PPP4C: variants seen among roughly 807,000 people sequenced by gnomAD.
PPP4C encodes the protein serine/threonine-protein phosphatase 4 catalytic subunit.
In PPP4C, 10 loss-of-function variants were observed where a neutral mutation model predicts 40.5. The ratio of observed to expected loss-of-function variants is 0.25; its 90% confidence interval spans 0.15 to 0.42. The LOEUF (loss-of-function observed/expected upper bound fraction) is 0.42. Among genes scored for constraint, PPP4C ranks in the 10% least tolerant of loss-of-function variants. The probability of loss-of-function intolerance (pLI) is 1.00; values close to 1 mark genes in which losing one functional copy is unlikely to be tolerated. For synonymous variants in PPP4C, 187 were observed against 163.6 expected (o/e 1.14, Z -1.09); for missense variants, 191 against 416.4 (o/e 0.46, Z 4.71).
chr16:30,084,391 C>T (rs1183639197), intron 7 of PPP4C, among the ~76,000 whole-genome samples: 3 of 152,232 alleles, frequency 2.0e-5, no homozygotes, highest in Non-Finnish European at 4.4e-5. Flanking sequence ...GTGCCCCTTT[C>T]ACTCTTATGT....
rs760535120 is a variant in PPP4C at position 30,083,553 on chromosome 16, A to G, written c.463A>G (p.Ile155Val). The change falls in exon 6 of 9, where the codon ATC becomes GTC. Residue 155 changes from isoleucine (I) to valine (V), a missense_variant. Physicochemically the swap from Ile to Val is conservative, Grantham distance 29 (BLOSUM62 3). Around this residue, in one of 3 missense-constraint regions of PPP4C, gnomAD observed 171 missense variants for 352.4 expected, o/e 0.49. Coordinates refer to ENST00000279387, the MANE Select transcript of PPP4C (RefSeq NM_002720.3). This position sits in a 1 kb window ranked among gnomAD's most constrained non-coding sequence, Gnocchi z 6.3. ...EIFDYLSLSA[I>V]IDGKIFCVHG... ...CTTTGACTACCTCAGCCTGTCAGCCATCATCGATGGCAAGGTAAGCCAGCC... is the reference window on the plus strand; with the variant it reads ...CTTTGACTACCTCAGCCTGTCAGCCGTCATCGATGGCAAGGTAAGCCAGCC... 4.3e-6 allele frequency: 7 copies of G among 1,613,940 alleles called. No homozygotes were observed. Among genetic ancestry groups the G allele is most frequent in the Admixed American group, 1.7e-5 (1 of 60,000 alleles).
At chr16:30,082,974 G>A (rs2151027952) in intron 5 of PPP4C, 127 bp downstream of exon 5, 3 of 826,300 alleles carry the variant, frequency 3.6e-6, no homozygotes, top group East Asian at 2.6e-5. Flanking sequence ...GTGATGGACC[G>A]ATTCTGCTTT....
At chr16:30,082,677 C>T (rs764695298) in intron 4 of PPP4C, 69 bp from the exon 5 acceptor site, 149 of 1,543,120 alleles carry the variant, frequency 9.7e-5, no homozygotes, top group Non-Finnish European at 1.2e-4. Context: ...GAAGGGCCTC[C>T]GCTGGACAGA....
rs183645842 is a variant in PPP4C, at chr16:30,082,981, C to T, written c.303+134C>T. Reference sequence around the variant, plus strand: ...TGTCACTGGTGATGGACCGATTCTGCTTTTGGGGGTGGTCAGAGACTTGAT... The same window carrying T: ...TGTCACTGGTGATGGACCGATTCTGTTTTTGGGGGTGGTCAGAGACTTGAT... On this transcript the variant is annotated intron_variant, in intron 5 of 8. Transcript: ENST00000279387. 2.2e-5 allele frequency: 17 copies of T among 776,340 alleles called. No individual in the cohort carries two copies. In the African/African-American group the frequency reaches 3.0e-4, roughly 14 times the overall value. 48.1% of individuals were successfully genotyped at this position (776,340 alleles called of 1,614,324 possible).
At chr16:30,082,880 G>A in intron 5 of PPP4C, 33 bp downstream of exon 5, 1 of 1,572,220 alleles carries the variant, frequency 6.4e-7, no homozygotes, top group African/African-American at 1.4e-5. Context: ...CCCCCAACCT[G>A]GGCGACCTCG....
At position 30,084,724 on chromosome 16, in the gene PPP4C, G is replaced by T. The variant is rs750895364; in HGVS notation, c.663G>T (p.Val221=). ...CCGGCTACCTATTTGGCAGTGACGT[G>T]GTGGCCCAGTTCAACGCAGCCAATG... ...RGAGYLFGSD[V]VAQFNAANDI... The change falls in exon 8 of 9, where the codon GTG becomes GTT. Residue 221 remains valine (V), a synonymous_variant. Transcript: ENST00000279387. 3.7e-6 allele frequency: 6 copies of T among 1,614,260 alleles called. No individual in the cohort carries two copies. The highest frequency in any genetic ancestry group is 5.1e-6 in the Non-Finnish European group (6 of 1,180,054).
chr16:30,076,940 C>T (rs747599321), intron 2 of PPP4C, among the ~76,000 whole-genome samples: 15 of 152,206 alleles, frequency 9.9e-5, no homozygotes, highest in Non-Finnish European at 1.8e-4. Context: ...TGGGAACTTT[C>T]ATGTTCAAAG....
chr16:30,079,640 C>T (rs1285260444), intron 2 of PPP4C, among the ~76,000 whole-genome samples: 2 of 152,156 alleles, frequency 1.3e-5, no homozygotes, highest in Admixed American at 6.6e-5. Context: ...CTTGGACCAC[C>T]GCCAGTGCTG....
rs1290320421 is a variant in PPP4C, at chr16:30,076,468, A to G, written c.91A>G (p.Lys31Glu). 6.2e-7 allele frequency: 1 copy of G among 1,610,982 alleles called. No homozygotes were observed. The change falls in exon 2 of 9, where the codon AAG becomes GAG. Residue 31 changes from lysine (K) to glutamate (E), a missense_variant. Physicochemically the swap from Lys to Glu is moderately conservative, Grantham distance 56 (BLOSUM62 1). Transcript: ENST00000279387. ...KESEVKALCA[K>E]AREILVEESN... The stretch of plus-strand genomic sequence containing the variant: ...GAGCGAAGTCAAGGCCCTGTGCGCT[A>G]AGGCCAGGTGAGCTCGTTGGCCCTG...
rs779840999 is a variant in PPP4C at position 30,083,717 on chromosome 16, C to T, written c.540C>T (p.Ile180=). The change falls in exon 7 of 9, where the codon ATC becomes ATT. Residue 180 remains isoleucine, a synonymous_variant. Transcript: ENST00000279387. This position sits in a 1 kb window ranked among gnomAD's most constrained non-coding sequence, Gnocchi z 6.3. The part of the protein sequence containing the change: ...SIQTLDQIRT[I]DRKQEVPHDG... ...AGACCCTGGATCAGATTCGGACAATCGACCGAAAGCAAGAGGTGCCTCATG... is the reference window on the plus strand; with the variant it reads ...AGACCCTGGATCAGATTCGGACAATTGACCGAAAGCAAGAGGTGCCTCATG... 9 of 1,614,022 alleles carry T rather than the reference C, an allele frequency of 5.6e-6. No homozygotes were observed. The East Asian group carries it at 6.7e-5, about 12-fold the overall frequency.
chr16:30,077,916 C>G (rs2072432649), intron 2 of PPP4C, among the ~76,000 whole-genome samples: 1 of 152,202 alleles, frequency 6.6e-6, no homozygotes, highest in African/African-American at 2.4e-5. Flanking sequence ...TGCAGCCAGA[C>G]AGGGCCTGTG....
chr16:30,076,224 G>T (rs2072388878), intron 1 of PPP4C, 91 bp from the exon 2 acceptor site: 3 of 733,872 alleles, frequency 4.1e-6, no homozygotes, highest in South Asian at 3.6e-5. Flanking sequence ...GGGAGGCGGG[G>T]GTGGGGGAGC....
chr16:30,081,407 CT>C, intron 3 of PPP4C, 97 bp downstream of exon 3: 1 of 994,942 alleles, frequency 1.0e-6, no homozygotes, highest in Non-Finnish European at 1.6e-6. Context: ...ACCCTAAGCT[CT>C]TTTATCTGTC....
rs150159961 is a variant in PPP4C, at chr16:30,085,361, AAAG to A, written c.*305_*307del. 4.0e-3 allele frequency: 1,088 copies of A among 274,834 alleles called. 13 individuals carry two copies. Among genetic ancestry groups the A allele is most frequent in the African/African-American group, 0.022 (976 of 45,230 alleles). The allele number at this position is 274,834 out of a possible 1,614,324, so 17.0% of individuals were successfully genotyped here. ...GAAAAAAAATGAAAAAATTCTAATA[AAAG>A]AAGAAAAATGGTTTTTGGGTTTGTG... On this transcript the variant is annotated 3_prime_UTR_variant, in exon 9 of 9. Coordinates refer to ENST00000279387, the MANE Select transcript of PPP4C (RefSeq NM_002720.3).
At chr16:30,082,928 T>A in intron 5 of PPP4C, 81 bp downstream of exon 5, 1 of 1,204,374 alleles carries the variant, frequency 8.3e-7, no homozygotes, top group Non-Finnish European at 1.2e-6. Context: ...CCTCATCTCC[T>A]ATCGTGACCA....
chr16:30,076,277 C>A, intron 1 of PPP4C, 38 bp from the exon 2 acceptor site: 2 of 1,216,730 alleles, frequency 1.6e-6, no homozygotes, highest in Non-Finnish European at 2.3e-6. Flanking sequence ...GAGCCCCGGA[C>A]GGACACTGAT....
At chr16:30,082,707 A>T in intron 4 of PPP4C, 39 bp from the exon 5 acceptor site, 1 of 1,576,170 alleles carries the variant, frequency 6.3e-7, no homozygotes, top group Non-Finnish European at 8.7e-7. Flanking sequence ...GGGGTAGGGG[A>T]CTGTTTACGA....
At chr16:30,081,202 C>G in intron 2 of PPP4C, 57 bp from the exon 3 acceptor site, 5 of 1,611,238 alleles carry the variant, frequency 3.1e-6, no homozygotes, top group Non-Finnish European at 4.2e-6. Flanking sequence ...CAAAAAAGGT[C>G]AGGAATTGGG....
rs761590974 is a variant in PPP4C, at chr16:30,083,811, G to A, written c.604+30G>A. On this transcript the variant is annotated intron_variant, in intron 7 of 8. Transcript: ENST00000279387. This position sits in a 1 kb window ranked among gnomAD's most constrained non-coding sequence, Gnocchi z 6.3. Reference sequence around the variant, plus strand: ...GGGCATGTGGGCAGGGGCAGGCAGGGACAGCCAGGAGGGGTTGGGAAAGAG... The same window carrying A: ...GGGCATGTGGGCAGGGGCAGGCAGGAACAGCCAGGAGGGGTTGGGAAAGAG... 2 of 1,611,832 alleles carry A rather than the reference G, an allele frequency of 1.2e-6. No individual in the cohort carries two copies. Among genetic ancestry groups the A allele is most frequent in the South Asian group, 2.2e-5 (2 of 91,084 alleles).
Sources: allele counts gnomAD v4.1 joint callset (sites outside exome capture counted in the v4.1 genomes callset), GRCh38; gene constraint gnomAD v4.1.1; regional missense constraint gnomAD v4.1.1; non-coding constraint Gnocchi (gnomAD v3.1); transcripts MANE v1.5; gene names NCBI Gene and HGNC (gene_info 2026-07-23, HGNC 2026-07-21).